EBF1: variants seen among roughly 807,000 people sequenced by gnomAD.
EBF1 encodes transcription factor COE1.
EBF1 carries 10 observed loss-of-function variants against 68.4 expected under a neutral mutation model. That is an observed-to-expected ratio of 0.15 (90% CI 0.09 to 0.25). The LOEUF is 0.25. Ranked by LOEUF, EBF1 falls within the 10% of genes least tolerant of loss-of-function variation. The probability of loss-of-function intolerance (pLI) is 1.00; values close to 1 mark genes in which losing one functional copy is unlikely to be tolerated. For missense variants in EBF1, 509 were observed against 794.4 expected (o/e 0.64, Z 4.32); for synonymous variants, 298 against 299.8 (o/e 0.99, Z 0.06).
At chr5:158,930,886 C>G (rs1427893635) in intron 6 of EBF1, among the ~76,000 whole-genome samples, 1 of 146,742 alleles carries the variant, frequency 6.8e-6, no homozygotes, top group Non-Finnish European at 1.5e-5. Context: ...CTCAGGTTAC[C>G]CAAAAAAAAA....
At chr5:159,079,677 T>A (rs1033068477) in intron 5 of EBF1, among the ~76,000 whole-genome samples, 13 of 146,008 alleles carry the variant, frequency 8.9e-5, no homozygotes, top group African/African-American at 3.3e-4. Context: ...AGTGGCGCAA[T>A]CTCTGCTCAC....
intron 6 of EBF1, among the ~76,000 whole-genome samples, chr5:158,945,295 G>A (rs995868808): frequency 5.3e-5 from 8 of 152,162 alleles, no homozygotes; most frequent in Non-Finnish European, 1.2e-4. Flanking sequence ...CATACAGCTG[G>A]ACAGTTTTCC....
intron 6 of EBF1, among the ~76,000 whole-genome samples, chr5:158,878,911 T>A (rs1798311394): frequency 6.6e-6 from 1 of 152,206 alleles, no homozygotes; most frequent in Admixed American, 6.5e-5. Context: ...CCCAAAGTGC[T>A]TGCTGGGAGT....
At chr5:158,880,634 C>A (rs953309963) in intron 6 of EBF1, among the ~76,000 whole-genome samples, 5 of 152,280 alleles carry the variant, frequency 3.3e-5, no homozygotes, top group Admixed American at 6.5e-5. Context: ...ATGTCCCCAG[C>A]ATCAAATTAA....
chr5:158,903,590 T>C (rs754594417), intron 6 of EBF1, among the ~76,000 whole-genome samples: 4 of 152,186 alleles, frequency 2.6e-5, no homozygotes, highest in Non-Finnish European at 5.9e-5. Context: ...ATCTGCTATG[T>C]TCTTTTTCAC....
chr5:159,060,933 TACACACACAC>T (rs72070397), intron 6 of EBF1, among the ~76,000 whole-genome samples: 6,114 of 143,764 alleles, frequency 0.043, 579 homozygotes, highest in East Asian at 0.39. Flanking sequence ...TAAAGCTACA[TACACACACAC>T]ACACACACAC....
chr5:158,891,433 T>C (rs1801164036), intron 6 of EBF1, among the ~76,000 whole-genome samples: 1 of 152,106 alleles, frequency 6.6e-6, no homozygotes, highest in Non-Finnish European at 1.5e-5. Context: ...AATGCCCACT[T>C]CCCTGCAAGC....
chr5:158,801,704 C>G (rs1031317968), intron 8 of EBF1, among the ~76,000 whole-genome samples: 33 of 151,710 alleles, frequency 2.2e-4, no homozygotes, highest in African/African-American at 7.3e-4. Flanking sequence ...AATCGTTCAG[C>G]TCCAGTACGT....
chr5:158,810,297 G>A (rs943159715), intron 8 of EBF1, among the ~76,000 whole-genome samples: 6 of 152,172 alleles, frequency 3.9e-5, no homozygotes, highest in Admixed American at 1.3e-4. Context: ...CATAGTAGGT[G>A]CTCAGTATCT....
At chr5:158,868,190 C>T (rs539493816) in intron 6 of EBF1, among the ~76,000 whole-genome samples, 1 of 151,790 alleles carries the variant, frequency 6.6e-6, no homozygotes, top group South Asian at 2.1e-4. Context: ...GAAATAATAG[C>T]CTTAGGATTT....
rs185399595 is a variant in EBF1, at chr5:158,767,854, C to T, written c.1036+9559G>A. ...TGGCCTATGGAGGATCAGAGAGGGGCCTACATTTACCTATTTTTTGTTACA... is the reference window on the plus strand; with the variant it reads ...TGGCCTATGGAGGATCAGAGAGGGGTCTACATTTACCTATTTTTTGTTACA... On this transcript the variant is annotated intron_variant, in intron 10 of 15. Coordinates refer to ENST00000313708, the MANE Select transcript of EBF1 (RefSeq NM_024007.5). Among the ~76,000 whole-genome samples, 8 of 152,118 alleles carry T rather than the reference C, an allele frequency of 5.3e-5. No homozygotes were observed. The East Asian group carries it at 1.5e-3, about 29-fold the overall frequency.
chr5:158,898,236 T>C (rs1802553575), intron 6 of EBF1, among the ~76,000 whole-genome samples: 1 of 152,236 alleles, frequency 6.6e-6, no homozygotes, highest in South Asian at 2.1e-4. Context: ...CTGGTCTTTT[T>C]TGATATCTCC....
intron 6 of EBF1, among the ~76,000 whole-genome samples, chr5:158,896,754 C>T (rs755497825): frequency 3.9e-5 from 6 of 152,132 alleles, no homozygotes; most frequent in Admixed American, 1.3e-4. Context: ...TCTCTGTAGG[C>T]CAAATGACTC....
intron 6 of EBF1, among the ~76,000 whole-genome samples, chr5:159,009,676 G>A (rs796567834): frequency 2.6e-5 from 4 of 152,006 alleles, no homozygotes; most frequent in African/African-American, 9.7e-5. Flanking sequence ...CTACTCAGGA[G>A]GCTGAGGCAG....
intron 6 of EBF1, among the ~76,000 whole-genome samples, chr5:159,004,053 G>C (rs1183494241): frequency 2.0e-5 from 3 of 152,208 alleles, no homozygotes; most frequent in Non-Finnish European, 4.4e-5. Context: ...AAGGTGGGCG[G>C]ATCACTTGAA....
At chr5:158,829,298 C>A (rs919980035) in intron 7 of EBF1, among the ~76,000 whole-genome samples, 1 of 151,800 alleles carries the variant, frequency 6.6e-6, no homozygotes, top group African/African-American at 2.4e-5. Context: ...CACCTCAGCT[C>A]CTGAGTAGCT....
chr5:158,942,400 T>C (rs2127474958), intron 6 of EBF1, among the ~76,000 whole-genome samples: 1 of 152,358 alleles, frequency 6.6e-6, no homozygotes, highest in East Asian at 1.9e-4. Flanking sequence ...TCAGCTATTT[T>C]AGCTTTACAA....
At chr5:158,962,730 G>A (rs186127382) in intron 6 of EBF1, among the ~76,000 whole-genome samples, 1 of 152,202 alleles carries the variant, frequency 6.6e-6, no homozygotes, top group Non-Finnish European at 1.5e-5. Flanking sequence ...AGAAGTCTGA[G>A]AGCAAGGTAT....
chr5:158,846,552 A>C (rs752388422), intron 6 of EBF1, among the ~76,000 whole-genome samples: 6 of 152,244 alleles, frequency 3.9e-5, no homozygotes, highest in Non-Finnish European at 8.8e-5. Context: ...AGCTCTGAGA[A>C]GAGGTAAACA....
Sources: gnomAD v4.1 joint callset for allele counts (sites outside exome capture counted in the v4.1 genomes callset) on GRCh38, gnomAD v4.1.1 for gene constraint, MANE v1.5 for transcripts, NCBI Gene and HGNC (gene_info 2026-07-23, HGNC 2026-07-21) for gene names.